Variants in NPAS2 observed in about 807,000 individuals in gnomAD.
NPAS2 encodes neuronal PAS domain protein 2.
Under a neutral mutation model 107.5 loss-of-function variants are expected in NPAS2, and 23 were observed. That is an observed-to-expected ratio of 0.21 (90% confidence interval 0.15 to 0.30). The LOEUF is 0.30. Ranked by LOEUF, NPAS2 falls within the 10% of genes least tolerant of loss-of-function variation. The pLI is 1.00. For missense variants in NPAS2, 756 were observed against 1,043.3 expected (o/e 0.72, Z 3.79); for synonymous variants, 403 against 417.5 (o/e 0.97, Z 0.42).
At chr2:100,934,902 G>A in intron 4 of NPAS2, 1 of 985,368 alleles carries the variant, frequency 1.0e-6, no homozygotes, top group Middle Eastern at 5.2e-4. Context: ...CCATGTCTTA[G>A]TGGCCAGGAT....
intron 1 of NPAS2, among the ~76,000 whole-genome samples, chr2:100,852,436 C>A (rs1013044888): frequency 2.0e-5 from 3 of 152,112 alleles, no homozygotes; most frequent in Admixed American, 1.3e-4. Flanking sequence ...TTTTGAAAGC[C>A]TCCAGGAATG....
intron 2 of NPAS2, among the ~76,000 whole-genome samples, chr2:100,915,383 G>A (rs1682819596): frequency 6.6e-6 from 1 of 152,164 alleles, no homozygotes; most frequent in Non-Finnish European, 1.5e-5. Context: ...AGGGAGCCTG[G>A]GAACCAGAAG....
rs1675089637 is a variant in NPAS2 at position 100,949,354 on chromosome 2, T to C, written c.485-13T>C. The C allele has an allele frequency of 6.5e-7, 1 of 1,549,600 alleles. No individual in the cohort carries two copies. Among genetic ancestry groups the C allele is most frequent in the African/African-American group, 1.4e-5 (1 of 73,758 alleles). ...CGACCCCTTTCTCTCCTCTTCTTCC[T>C]TTAACGGCCCAGCTGACAGCGATTT... On this transcript the variant is annotated splice_polypyrimidine_tract_variant and intron_variant, in intron 6 of 20. Transcript: ENST00000335681.
At chr2:100,898,589 G>A (rs1169288257) in intron 1 of NPAS2, among the ~76,000 whole-genome samples, 2 of 152,174 alleles carry the variant, frequency 1.3e-5, no homozygotes, top group Non-Finnish European at 2.9e-5. Flanking sequence ...AAACAACAGA[G>A]GAGTTATATT....
chr2:100,938,763 G>A (rs543339288), intron 5 of NPAS2, among the ~76,000 whole-genome samples: 54 of 152,118 alleles, frequency 3.5e-4, no homozygotes, highest in African/African-American at 1.1e-3. Context: ...GTTCCTAGGC[G>A]GCAGCTTCGA....
upstream of NPAS2, among the ~76,000 whole-genome samples, chr2:100,819,476 A>C (rs958326082): frequency 6.8e-6 from 1 of 147,688 alleles, no homozygotes. This position sits in a 1 kb window ranked among gnomAD's most constrained non-coding sequence, Gnocchi z 5.8. Context: ...CCCGCCTCCC[A>C]CCTGCCCCCG....
chr2:100,949,352 CCTTT>C lies in NPAS2; in HGVS notation c.485-14_485-11del, dbSNP rs768298261. ...CACGACCCCTTTCTCTCCTCTTCTT[CCTTT>C]AACGGCCCAGCTGACAGCGATTTAG... On this transcript the variant is annotated splice_polypyrimidine_tract_variant and intron_variant, in intron 6 of 20. Coordinates refer to ENST00000335681, the MANE Select transcript of NPAS2 (RefSeq NM_002518.4). 1 of 1,516,408 alleles carries C rather than the reference CCTTT, an allele frequency of 6.6e-7. No homozygotes were observed. Among genetic ancestry groups the C allele is most frequent in the African/African-American group, 1.4e-5 (1 of 73,110 alleles). 93.9% of individuals were successfully genotyped at this position (1,516,408 alleles called of 1,614,324 possible).
At chr2:100,971,163 A>G (rs1277288384) in intron 12 of NPAS2, 89 bp downstream of exon 12, 5 of 1,262,772 alleles carry the variant, frequency 4.0e-6, no homozygotes, top group East Asian at 4.7e-5. Flanking sequence ...GTTTCTTTTC[A>G]TCAATGGAAG....
At chr2:100,887,829 C>G (rs1462728845) in intron 1 of NPAS2, among the ~76,000 whole-genome samples, 1 of 152,174 alleles carries the variant, frequency 6.6e-6, no homozygotes, top group Non-Finnish European at 1.5e-5. Flanking sequence ...CACCGCCCCT[C>G]TCCGCGAACG....
chr2:100,852,700 G>A (rs1401221658), intron 1 of NPAS2, among the ~76,000 whole-genome samples: 2 of 152,104 alleles, frequency 1.3e-5, no homozygotes, highest in Non-Finnish European at 2.9e-5. Context: ...CCTCTACATT[G>A]CAAGAGAGAT....
intron 1 of NPAS2, among the ~76,000 whole-genome samples, chr2:100,887,284 TG>T (rs1295230746): frequency 6.6e-6 from 1 of 152,134 alleles, no homozygotes; most frequent in African/African-American, 2.4e-5. Context: ...AGGCCAGAAG[TG>T]GAAGCCTTTC....
intron 2 of NPAS2, among the ~76,000 whole-genome samples, chr2:100,918,017 A>T (rs1682995138): frequency 6.6e-6 from 1 of 151,828 alleles, no homozygotes; most frequent in Non-Finnish European, 1.5e-5. Context: ...ATAAGTGTAG[A>T]TACAAAATTT....
intron 1 of NPAS2, among the ~76,000 whole-genome samples, chr2:100,863,982 T>C (rs1679097683): frequency 6.6e-6 from 1 of 152,218 alleles, no homozygotes. Context: ...TTAGAAATTG[T>C]CTGAAATGTG....
At chr2:100,938,140 C>G (rs958086862) in intron 5 of NPAS2, among the ~76,000 whole-genome samples, 1 of 152,184 alleles carries the variant, frequency 6.6e-6, no homozygotes, top group African/African-American at 2.4e-5. Context: ...GAGAGAGTCA[C>G]AGCACTGTTA....
intron 1 of NPAS2, among the ~76,000 whole-genome samples, chr2:100,902,770 A>T (rs772315297): frequency 3.3e-5 from 5 of 152,230 alleles, no homozygotes; most frequent in Non-Finnish European, 7.3e-5. Context: ...AACAGAGGTG[A>T]CAAAATAGTA....
intron 1 of NPAS2, among the ~76,000 whole-genome samples, chr2:100,824,287 A>G (rs1676243093): frequency 6.6e-6 from 1 of 152,170 alleles, no homozygotes; most frequent in African/African-American, 2.4e-5. Flanking sequence ...GGCAAAATGG[A>G]AAATTATTGG....
At chr2:100,917,117 A>G (rs1230555030) in intron 2 of NPAS2, among the ~76,000 whole-genome samples, 1 of 152,266 alleles carries the variant, frequency 6.6e-6, no homozygotes, top group Non-Finnish European at 1.5e-5. Flanking sequence ...AACTAGAAAC[A>G]GAAAAGCAAA....
rs1678423566 is a variant in NPAS2 at position 100,995,923 on chromosome 2, C to T, written c.*341C>T. ...CCCGAGAGTACACCGGTTGCTCTAGCCACCTGCGGCCCGCCCATCTGCGCT... is the reference window on the plus strand; with the variant it reads ...CCCGAGAGTACACCGGTTGCTCTAGTCACCTGCGGCCCGCCCATCTGCGCT... On this transcript the variant is annotated 3_prime_UTR_variant, in exon 21 of 21. Coordinates refer to ENST00000335681, the MANE Select transcript of NPAS2 (RefSeq NM_002518.4). 2.1e-6 allele frequency: 3 copies of T among 1,405,254 alleles called. No homozygotes were observed. The highest frequency in any genetic ancestry group is 2.6e-4 in the Middle Eastern group (1 of 3,890). The allele number at this position is 1,405,254 out of a possible 1,614,324, so 87.0% of individuals were successfully genotyped here. A position where few individuals can be genotyped will look rare whatever the true frequency, so the allele number is the denominator to read the frequency against.
At chr2:100,950,175 G>T (rs1310207928) in intron 7 of NPAS2, among the ~76,000 whole-genome samples, 1 of 152,194 alleles carries the variant, frequency 6.6e-6, no homozygotes, top group Admixed American at 6.5e-5. Context: ...AGCCAACTTG[G>T]TTATGGGCTG....
Sources: allele counts gnomAD v4.1 joint callset (sites outside exome capture counted in the v4.1 genomes callset), GRCh38; gene constraint gnomAD v4.1.1; non-coding constraint Gnocchi (gnomAD v3.1); transcripts MANE v1.5; gene names NCBI Gene and HGNC (gene_info 2026-07-23, HGNC 2026-07-21).